The following WASL variants were observed in gnomAD, a reference collection of about 807,000 sequenced individuals.
WASL encodes WASP like actin nucleation promoting factor.
Under a neutral mutation model 55.5 loss-of-function variants are expected in WASL, and 20 were observed. That is an observed-to-expected ratio of 0.36 (90% CI 0.25 to 0.52). The LOEUF (loss-of-function observed/expected upper bound fraction) is 0.52, where lower values mean the gene tolerates loss of function less well. Among genes scored for constraint, WASL ranks in the 20% least tolerant of loss-of-function variants. The pLI is 0.92. For synonymous variants in WASL, 249 were observed against 217.6 expected (o/e 1.14, Z -1.27); for missense variants, 504 against 622.5 (o/e 0.81, Z 2.03).
chr7:123,709,094 T>C lies in WASL; in HGVS notation c.247A>G (p.Ile83Val), dbSNP rs758221275. Residue 83 changes from isoleucine to valine, a missense_variant, in exon 2 of 11, where the codon ATT becomes GTT. By Grantham distance (29) the Ile-to-Val change is conservative. Transcript: ENST00000223023. Reference sequence around the variant, plus strand: ...GAAAGCAAAACAAAACTCACCTTAATGTCAAATATTCTTAAAAAATAAGAT... The same window carrying C: ...GAAAGCAAAACAAAACTCACCTTAACGTCAAATATTCTTAAAAAATAAGAT... ...QRSYFLRIFD[I>V]KDGKLLWEQE... 6.2e-7 allele frequency: 1 copy of C among 1,602,504 alleles called. No individual in the cohort carries two copies. The highest frequency in any genetic ancestry group is 8.5e-7 in the Non-Finnish European group (1 of 1,174,870).
At chr7:123,748,507 G>A in intron 1 of WASL, 111 bp downstream of exon 1, 1 of 1,133,176 alleles carries the variant, frequency 8.8e-7, no homozygotes, top group Non-Finnish European at 1.3e-6. Context: ...GGGCTGGCGG[G>A]AGGCCTGGCC....
intron 5 of WASL, among the ~76,000 whole-genome samples, chr7:123,703,170 T>C (rs1478528971): frequency 1.3e-5 from 2 of 152,212 alleles, no homozygotes; most frequent in African/African-American, 2.4e-5. Flanking sequence ...GACATGATAT[T>C]TACCCTGTGT....
chr7:123,726,711 G>T lies in WASL; in HGVS notation c.118-17488C>A, dbSNP rs533150116. Reference sequence around the variant, plus strand: ...GAAACTCTCATCTCTAATCAAAATAGATAAATTAGCTGAGTGTGTTGGCAC... The same window carrying T: ...GAAACTCTCATCTCTAATCAAAATATATAAATTAGCTGAGTGTGTTGGCAC... On this transcript the variant is annotated intron_variant, in intron 1 of 10. Coordinates refer to ENST00000223023, the MANE Select transcript of WASL (RefSeq NM_003941.4). 1.1e-3 allele frequency among the ~76,000 whole-genome samples: 163 copies of T among 152,088 alleles called. 1 individual carries two copies. The highest frequency in any genetic ancestry group is 3.4e-3 in the Middle Eastern group (1 of 294).
At chr7:123,729,567 T>C (rs1804105970) in intron 1 of WASL, among the ~76,000 whole-genome samples, 1 of 152,190 alleles carries the variant, frequency 6.6e-6, no homozygotes. Context: ...TTCTTGTTTT[T>C]GGAAATGAAC....
chr7:123,728,854 T>A (rs1804095786), intron 1 of WASL, among the ~76,000 whole-genome samples: 1 of 152,078 alleles, frequency 6.6e-6, no homozygotes, highest in Non-Finnish European at 1.5e-5. Context: ...GTCTGGAGAC[T>A]CTGTCTCAAA....
chr7:123,744,235 A>G (rs1373214842), intron 1 of WASL, among the ~76,000 whole-genome samples: 1 of 152,196 alleles, frequency 6.6e-6, no homozygotes, highest in Non-Finnish European at 1.5e-5. Context: ...CAACTAAACC[A>G]TTTCGGTCGC....
rs762006698 is a variant in WASL at position 123,692,314 on chromosome 7, G to T, written c.1347+33C>A. On this transcript the variant is annotated intron_variant, in intron 9 of 10. Transcript: ENST00000223023. ...ACTTTAAAATTCCATTATGATAAAG[G>T]ATCTAAAATGAAAAAAAAAAAAGCT... is the stretch of plus-strand genomic sequence containing the variant. 8.9e-6 allele frequency: 14 copies of T among 1,574,994 alleles called. No homozygotes were observed. The African/African-American group carries it at 1.5e-4, about 17-fold the overall frequency.
intron 1 of WASL, among the ~76,000 whole-genome samples, chr7:123,716,686 A>C (rs986622304): frequency 2.0e-5 from 3 of 151,948 alleles, no homozygotes; most frequent in African/African-American, 7.2e-5. Context: ...GCAGGAAGGA[A>C]GGGGGAGAGA....
intron 4 of WASL, among the ~76,000 whole-genome samples, chr7:123,705,930 C>T (rs1465294980): frequency 6.6e-6 from 1 of 151,908 alleles, no homozygotes; most frequent in African/African-American, 2.4e-5. Flanking sequence ...AATTAAAAGT[C>T]AATATATATG....
chr7:123,708,970 A>G, intron 2 of WASL, 119 bp downstream of exon 2: 1 of 970,948 alleles, frequency 1.0e-6, no homozygotes, highest in Non-Finnish European at 1.4e-6. Context: ...TCACTCTTCT[A>G]ATATTAGTTT....
intron 1 of WASL, among the ~76,000 whole-genome samples, chr7:123,722,808 A>G (rs1015357397): frequency 5.3e-5 from 8 of 152,306 alleles, no homozygotes; most frequent in Non-Finnish European, 8.8e-5. Flanking sequence ...GTCTCAAAAA[A>G]TAACAACAAA....
At chr7:123,696,865 T>C (rs539796553) in intron 5 of WASL, 118 bp from the exon 6 acceptor site, 53 of 727,600 alleles carry the variant, frequency 7.3e-5, no homozygotes, top group East Asian at 1.8e-4. Context: ...AAATTATTTA[T>C]ATTTTAAACT....
intron 1 of WASL, among the ~76,000 whole-genome samples, chr7:123,730,488 T>A (rs1006973828): frequency 6.6e-6 from 1 of 152,120 alleles, no homozygotes; most frequent in Non-Finnish European, 1.5e-5. Context: ...TATAATTCGA[T>A]ACTAGATTGA....
rs568776536 is a variant in WASL at position 123,683,823 on chromosome 7, T to C, written c.*696A>G. 2.2e-4 allele frequency: 34 copies of C among 152,084 alleles called. No individual in the cohort carries two copies. Among genetic ancestry groups the C allele is most frequent in the African/African-American group, 4.1e-4 (17 of 41,550 alleles). 9.4% of individuals were successfully genotyped at this position (152,084 alleles called of 1,614,324 possible). On this transcript the variant is annotated 3_prime_UTR_variant, in exon 11 of 11. Transcript: ENST00000223023. ...TGTCACATTTGCTACAGCATAAAAA[T>C]AACCCCAGTCAATAACAAGTATTTA... is the stretch of plus-strand genomic sequence containing the variant.
At chr7:123,712,702 T>C (rs1481409586) in intron 1 of WASL, among the ~76,000 whole-genome samples, 1 of 152,140 alleles carries the variant, frequency 6.6e-6, no homozygotes. Context: ...CTTGAGAAGG[T>C]GGTCCTCTCC....
chr7:123,747,753 CA>C (rs1266351251), intron 1 of WASL, among the ~76,000 whole-genome samples: 4 of 152,174 alleles, frequency 2.6e-5, no homozygotes, highest in Admixed American at 6.5e-5. Flanking sequence ...AGAACCTCCC[CA>C]CCCCCAGAAT....
At chr7:123,708,854 T>G (rs1001485744) in intron 2 of WASL, among the ~76,000 whole-genome samples, 4 of 150,778 alleles carry the variant, frequency 2.7e-5, no homozygotes, top group African/African-American at 9.7e-5. Context: ...AAAGCCTTAA[T>G]GCGTGGTAGC....
intron 4 of WASL, 102 bp from the exon 5 acceptor site, chr7:123,704,759 C>T (rs1486042018): frequency 1.5e-5 from 11 of 714,064 alleles, no homozygotes; most frequent in East Asian, 3.4e-5. Flanking sequence ...AATTGACATA[C>T]GTGTGACTAA....
chr7:123,692,139 T>C (rs758398870), intron 9 of WASL, among the ~76,000 whole-genome samples: 2 of 152,158 alleles, frequency 1.3e-5, no homozygotes, highest in African/African-American at 4.8e-5. Flanking sequence ...TATAGAGATA[T>C]GGGTTACATG....
Sources: allele counts gnomAD v4.1 joint callset (sites outside exome capture counted in the v4.1 genomes callset), GRCh38; gene constraint gnomAD v4.1.1; transcripts MANE v1.5; gene names NCBI Gene and HGNC (gene_info 2026-07-23, HGNC 2026-07-21).